Variants in ATXN7 observed in about 807,000 individuals in gnomAD.
ATXN7 encodes the protein ataxin-7.
A neutral mutation model predicts 70.5 loss-of-function variants in ATXN7; 12 were observed. That is an observed-to-expected ratio of 0.17 (90% CI 0.11 to 0.28). The LOEUF is 0.28. Ranked by LOEUF, ATXN7 falls within the 10% of genes least tolerant of loss-of-function variation. The pLI is 1.00. For missense variants in ATXN7, 1,256 were observed against 1,131.7 expected (o/e 1.11, Z -1.58); for synonymous variants, 498 against 448.7 (o/e 1.11, Z -1.39).
In ATXN7 at chr3:63,995,520, G is replaced by T; in HGVS notation, c.1698G>T (p.Val566=). 1 of 1,614,018 alleles carries T rather than the reference G, an allele frequency of 6.2e-7. No homozygotes were observed. Among genetic ancestry groups the T allele is most frequent in the South Asian group, 1.1e-5 (1 of 91,064 alleles). The change falls in exon 12 of 13, where the codon GTG becomes GTT. Residue 566 remains valine (V), a synonymous_variant. Coordinates refer to ENST00000674280, the MANE Select transcript of ATXN7 (RefSeq NM_001377405.1). The part of the protein sequence containing the change: ...NAQLWKKIPP[V]PSTTSPISTR... ...TTTTTTTCAGGAAAATCCCACCAGTGCCCAGTACCACCTCACCCATCTCCA... is the reference window on the plus strand; with the variant it reads ...TTTTTTTCAGGAAAATCCCACCAGTTCCCAGTACCACCTCACCCATCTCCA...
At chr3:63,953,923 C>T (rs1407896936) in intron 5 of ATXN7, among the ~76,000 whole-genome samples, 2 of 152,200 alleles carry the variant, frequency 1.3e-5, no homozygotes, top group African/African-American at 4.8e-5. Flanking sequence ...GCTAGGATTA[C>T]AGGCATGAGC....
chr3:63,978,122 A>T (rs139042566), intron 5 of ATXN7, among the ~76,000 whole-genome samples: 3 of 152,184 alleles, frequency 2.0e-5, no homozygotes, highest in Non-Finnish European at 1.5e-5. Context: ...GTGGCTGCAC[A>T]GTAGAATCAG....
At position 64,001,930 on chromosome 3, in the gene ATXN7, A is replaced by G. The variant is rs2075837339; in HGVS notation, c.*2463A>G. 2.0e-5 allele frequency: 3 copies of G among 152,306 alleles called. No homozygotes were observed. The highest frequency in any genetic ancestry group is 1.3e-4 in the Admixed American group (2 of 15,272). The allele number at this position is 152,306 out of a possible 1,614,324, so 9.4% of individuals were successfully genotyped here. On this transcript the variant is annotated 3_prime_UTR_variant, in exon 13 of 13. Coordinates refer to ENST00000674280, the MANE Select transcript of ATXN7 (RefSeq NM_001377405.1). ...TGTTTCTAGACAGACTTTGGTATCAATTTAAAACCAAGATAATTTTTATAT... is the reference window on the plus strand; with the variant it reads ...TGTTTCTAGACAGACTTTGGTATCAGTTTAAAACCAAGATAATTTTTATAT...
chr3:63,958,385 A>G (rs963677122), intron 5 of ATXN7, among the ~76,000 whole-genome samples: 8 of 152,226 alleles, frequency 5.3e-5, no homozygotes, highest in South Asian at 4.1e-4. Flanking sequence ...GAATGTTAGT[A>G]CTATAAGAGA....
At chr3:63,926,431 A>G (rs1335091629) in intron 4 of ATXN7, among the ~76,000 whole-genome samples, 1 of 152,216 alleles carries the variant, frequency 6.6e-6, no homozygotes, top group Non-Finnish European at 1.5e-5. Flanking sequence ...ATAAGCTTTC[A>G]CACAGAAGGA....
At chr3:63,979,883 T>C (rs1345287528) in intron 5 of ATXN7, 32 bp from the exon 6 acceptor site, 1 of 1,610,666 alleles carries the variant, frequency 6.2e-7, no homozygotes, top group Non-Finnish European at 8.5e-7. Flanking sequence ...GCCTAAAACA[T>C]GATGTCTTTT....
intron 2 of ATXN7, chr3:63,905,007 T>TTTG (rs144758753): frequency 2.0e-5 from 3 of 152,200 alleles, no homozygotes; most frequent in Admixed American, 1.3e-4. Flanking sequence ...ACCTTCTTTT[T>TTTG]TTGTTGTTGT....
chr3:63,865,680 AAG>A (rs1323046913), intron 1 of ATXN7, among the ~76,000 whole-genome samples: 1 of 151,920 alleles, frequency 6.6e-6, no homozygotes, highest in Non-Finnish European at 1.5e-5. Context: ...TCACGAGGTC[AAG>A]AGATCGAGAC....
At chr3:63,967,996 T>C in intron 5 of ATXN7, 2 of 1,528,092 alleles carry the variant, frequency 1.3e-6, no homozygotes, top group Non-Finnish European at 1.8e-6. Context: ...TGAGGCAGTT[T>C]TCAGAGTCTG....
chr3:63,983,051 C>T lies in ATXN7; in HGVS notation c.1095+30C>T, dbSNP rs755397411. 6.4e-6 allele frequency: 10 copies of T among 1,563,150 alleles called. No individual in the cohort carries two copies. The African/African-American group carries it at 1.1e-4, about 17-fold the overall frequency. On this transcript the variant is annotated intron_variant, in intron 8 of 12. Coordinates refer to ENST00000674280, the MANE Select transcript of ATXN7 (RefSeq NM_001377405.1). ...GTGGACTCCTGAAAGTCAAGTCGAC[C>T]ATCCTGATAAACATGGGTGACTGGG...
chr3:63,899,955 A>T (rs1055014666), intron 2 of ATXN7, among the ~76,000 whole-genome samples: 1 of 152,128 alleles, frequency 6.6e-6, no homozygotes, highest in Non-Finnish European at 1.5e-5. Context: ...ACAGTGGTGC[A>T]TGTGTATAGT....
intron 1 of ATXN7, among the ~76,000 whole-genome samples, chr3:63,890,679 G>C (rs1218042893): frequency 6.6e-6 from 1 of 152,150 alleles, no homozygotes; most frequent in Non-Finnish European, 1.5e-5. Context: ...GGTTGCTGTT[G>C]GTAATGAAAA....
intron 1 of ATXN7, among the ~76,000 whole-genome samples, chr3:63,872,732 T>C (rs979750774): frequency 4.6e-5 from 7 of 152,242 alleles, no homozygotes; most frequent in African/African-American, 1.2e-4. Context: ...AACCTGCTTT[T>C]GTTATAGTAA....
In ATXN7 at chr3:63,889,102, A is replaced by AT. The variant is rs1703180292; in HGVS notation, c.-110-9294dup. On this transcript the variant is annotated intron_variant, in intron 1 of 12. Coordinates refer to ENST00000674280, the MANE Select transcript of ATXN7 (RefSeq NM_001377405.1). ...GGTGTTCCATACTCTGTGTTGCTATATTTGAACAGCAGCTAAAGTCGAATA... is the reference window on the plus strand; with the variant it reads ...GGTGTTCCATACTCTGTGTTGCTATATTTTGAACAGCAGCTAAAGTCGAATA... 4.6e-5 allele frequency among the ~76,000 whole-genome samples: 7 copies of AT among 152,278 alleles called. 2 individuals carry two copies. In the South Asian group the frequency reaches 1.4e-3, roughly 32 times the overall value.
At chr3:63,932,003 T>C (rs2074554254) in intron 4 of ATXN7, among the ~76,000 whole-genome samples, 1 of 152,202 alleles carries the variant, frequency 6.6e-6, no homozygotes, top group Admixed American at 6.5e-5. Flanking sequence ...CATATTTACC[T>C]GAGTACAGTT....
intron 5 of ATXN7, among the ~76,000 whole-genome samples, chr3:63,961,270 A>G (rs946269046): frequency 1.3e-5 from 2 of 152,174 alleles, no homozygotes; most frequent in South Asian, 2.1e-4. Context: ...ATGTTAATAC[A>G]TATTGTTCTG....
chr3:63,917,311 TC>T (rs1449490586), intron 4 of ATXN7, among the ~76,000 whole-genome samples: 2 of 152,230 alleles, frequency 1.3e-5, no homozygotes, highest in Non-Finnish European at 2.9e-5. Flanking sequence ...TACTGCTTTT[TC>T]CCCCAAGGTG....
In ATXN7 at chr3:63,905,700, A is replaced by G. The variant is rs555459403; in HGVS notation, c.-11-6888A>G. ...CAGGAAAGGCAGATTTCTCACCAGG[A>G]GCAATTTTGTTTTGGTTCCCCTTTT... is the stretch of plus-strand genomic sequence containing the variant. On this transcript the variant is annotated intron_variant, in intron 2 of 12. Transcript: ENST00000674280. 4.6e-5 allele frequency: 7 copies of G among 152,310 alleles called. No homozygotes were observed. The East Asian group carries it at 9.6e-4, about 21-fold the overall frequency. 9.4% of individuals were successfully genotyped at this position (152,310 alleles called of 1,614,324 possible). A position where few individuals can be genotyped will look rare whatever the true frequency, so the allele number is the denominator to read the frequency against.
intron 4 of ATXN7, among the ~76,000 whole-genome samples, chr3:63,930,963 A>G (rs1307332970): frequency 6.6e-6 from 1 of 152,240 alleles, no homozygotes; most frequent in African/African-American, 2.4e-5. Context: ...TTTGTTAAAT[A>G]TGGCTGTTGA....
Sources: gnomAD v4.1 joint callset for allele counts (sites outside exome capture counted in the v4.1 genomes callset) on GRCh38, gnomAD v4.1.1 for gene constraint, MANE v1.5 for transcripts, NCBI Gene and HGNC (gene_info 2026-07-23, HGNC 2026-07-21) for gene names.